DDX10: variants seen among roughly 807,000 people sequenced by gnomAD.
DDX10 encodes probable ATP-dependent RNA helicase DDX10.
A neutral mutation model predicts 104.3 loss-of-function variants in DDX10; 74 were observed. The observed-to-expected ratio is 0.71, with a 90% confidence interval of 0.59 to 0.86. DDX10 has a LOEUF of 0.86. Among genes scored for constraint, DDX10 ranks in the 40% least tolerant of loss-of-function variants. The probability of loss-of-function intolerance (pLI) is 0.00; values close to 1 mark genes in which losing one functional copy is unlikely to be tolerated. For synonymous variants in DDX10, 351 were observed against 353.4 expected (o/e 0.99, Z 0.08); for missense variants, 952 against 1,040.0 (o/e 0.92, Z 1.16).
Position 108,807,998 on chromosome 11 carries a change from G to A in DDX10, c.1966-30448G>A, listed in dbSNP as rs182619129. ...AGGCACAGTGCGAAGCTGTAGATACGTCAGGTAACACAGTTTCACTCACAA... is the reference window on the plus strand; with the variant it reads ...AGGCACAGTGCGAAGCTGTAGATACATCAGGTAACACAGTTTCACTCACAA... On this transcript the variant is annotated intron_variant, in intron 13 of 17. Transcript: ENST00000322536. 6.1e-3 allele frequency among the ~76,000 whole-genome samples: 931 copies of A among 152,242 alleles called. 28 individuals carry two copies. Among genetic ancestry groups the A allele is most frequent in the Admixed American group, 0.052 (794 of 15,284 alleles).
intron 13 of DDX10, among the ~76,000 whole-genome samples, chr11:108,795,656 A>G (rs1175016157): frequency 1.3e-5 from 2 of 151,868 alleles, no homozygotes; most frequent in African/African-American, 4.8e-5. Flanking sequence ...CCATGTCCCT[A>G]CAAAGGACAT....
intron 13 of DDX10, among the ~76,000 whole-genome samples, chr11:108,730,438 TTA>T (rs2094310637): frequency 6.6e-6 from 1 of 152,210 alleles, no homozygotes; most frequent in Non-Finnish European, 1.5e-5. Context: ...AAATATTGTC[TTA>T]CTGATCAGTG....
chr11:108,726,210 A>G (rs566551661), intron 13 of DDX10, among the ~76,000 whole-genome samples: 1 of 152,106 alleles, frequency 6.6e-6, no homozygotes, highest in East Asian at 1.9e-4. Flanking sequence ...TGCTTTGGTT[A>G]TTTTTGGACC....
chr11:108,898,243 G>A (rs976748865), intron 16 of DDX10, among the ~76,000 whole-genome samples: 1 of 151,932 alleles, frequency 6.6e-6, no homozygotes, highest in African/African-American at 2.4e-5. Context: ...CTTTTTGTCT[G>A]GACTAACCAG....
At chr11:108,854,731 T>TA (rs1371033004) in intron 16 of DDX10, among the ~76,000 whole-genome samples, 2 of 151,618 alleles carry the variant, frequency 1.3e-5, no homozygotes, top group Admixed American at 1.3e-4. Flanking sequence ...ACACAGTATT[T>TA]TTTTTTTAAT....
At chr11:108,780,222 G>A (rs1486297895) in intron 13 of DDX10, among the ~76,000 whole-genome samples, 1 of 152,112 alleles carries the variant, frequency 6.6e-6, no homozygotes, top group Non-Finnish European at 1.5e-5. Flanking sequence ...TAGATCTTCT[G>A]AATAACTAAT....
chr11:108,856,786 G>A (rs1039676431), intron 16 of DDX10, among the ~76,000 whole-genome samples: 1 of 152,006 alleles, frequency 6.6e-6, no homozygotes, highest in East Asian at 1.9e-4. Flanking sequence ...GAGCGAGTGT[G>A]GCAGCCACTG....
chr11:108,666,315 T>C (rs927685117), intron 1 of DDX10, among the ~76,000 whole-genome samples: 3 of 152,024 alleles, frequency 2.0e-5, no homozygotes, highest in Non-Finnish European at 4.4e-5. Flanking sequence ...CCGCCTCTAC[T>C]AAAAATACAA....
At chr11:108,856,691 A>T (rs1047617104) in intron 16 of DDX10, among the ~76,000 whole-genome samples, 1 of 152,150 alleles carries the variant, frequency 6.6e-6, no homozygotes, top group Non-Finnish European at 1.5e-5. Context: ...ATAATTTTTT[A>T]AAAAGTCTTA....
In DDX10 at chr11:108,883,925, C is replaced by A. The variant is rs1170673367; in HGVS notation, c.2304+31716C>A. Among the ~76,000 whole-genome samples the A allele has an allele frequency of 2.0e-5, 3 of 152,198 alleles. No homozygotes were observed. The East Asian group carries it at 5.8e-4, about 29-fold the overall frequency. On this transcript the variant is annotated intron_variant, in intron 16 of 17. Coordinates refer to ENST00000322536, the MANE Select transcript of DDX10 (RefSeq NM_004398.4). ...CTTTTTCCATCTTCTTTCCTAACTT[C>A]TCTTCTACTTCCAGACTTGAAGTTG... is the stretch of plus-strand genomic sequence containing the variant.
intron 13 of DDX10, among the ~76,000 whole-genome samples, chr11:108,786,740 TA>T (rs2134544398): frequency 6.6e-6 from 1 of 152,342 alleles, no homozygotes; most frequent in East Asian, 1.9e-4. Flanking sequence ...TTTGTGTCAT[TA>T]CATGTGAGAT....
chr11:108,691,528 T>A (rs1488296281), intron 7 of DDX10, among the ~76,000 whole-genome samples: 1 of 152,210 alleles, frequency 6.6e-6, no homozygotes, highest in Non-Finnish European at 1.5e-5. Context: ...CTAATTATTT[T>A]AATAATTGCT....
At chr11:108,720,580 T>C (rs933489653) in intron 12 of DDX10, among the ~76,000 whole-genome samples, 1 of 152,086 alleles carries the variant, frequency 6.6e-6, no homozygotes, top group Non-Finnish European at 1.5e-5. Flanking sequence ...TGTTTTGGCT[T>C]AGTATTTGAG....
At chr11:108,779,238 G>A (rs531744235) in intron 13 of DDX10, among the ~76,000 whole-genome samples, 6 of 152,240 alleles carry the variant, frequency 3.9e-5, no homozygotes, top group African/African-American at 9.6e-5. Flanking sequence ...ACATGCACAC[G>A]TATGTTTATT....
At chr11:108,789,731 C>T (rs141855959) in intron 13 of DDX10, among the ~76,000 whole-genome samples, 105 of 152,216 alleles carry the variant, frequency 6.9e-4, no homozygotes, top group African/African-American at 2.1e-3. Context: ...ACAGAAAACA[C>T]GACCATAGGT....
Position 108,693,505 on chromosome 11 carries a change from C to T in DDX10, c.1139-11C>T, listed in dbSNP as rs761774918. 4 of 1,610,162 alleles carry T rather than the reference C, an allele frequency of 2.5e-6. No homozygotes were observed. Among genetic ancestry groups the T allele is most frequent in the Admixed American group, 3.3e-5 (2 of 60,010 alleles). On this transcript the variant is annotated splice_polypyrimidine_tract_variant and intron_variant, in intron 8 of 17. Transcript: ENST00000322536. The stretch of plus-strand genomic sequence containing the variant: ...CAACCAGTTTCTTAACTTCACATCC[C>T]TTCTCTGTAGATTTCCCGGCCGTGA...
At chr11:108,826,788 C>G (rs1308088539) in intron 13 of DDX10, among the ~76,000 whole-genome samples, 3 of 152,134 alleles carry the variant, frequency 2.0e-5, no homozygotes, top group African/African-American at 7.2e-5. Flanking sequence ...GGCCCTTGAT[C>G]CAGAACACTG....
At chr11:108,830,551 C>T (rs1261615103) in intron 13 of DDX10, among the ~76,000 whole-genome samples, 2 of 152,096 alleles carry the variant, frequency 1.3e-5, no homozygotes, top group Non-Finnish European at 2.9e-5. Context: ...TTTCTCTTGT[C>T]TCATTGCTCT....
intron 13 of DDX10, among the ~76,000 whole-genome samples, chr11:108,749,050 GTCTC>G (rs974317871): frequency 2.0e-4 from 30 of 148,620 alleles, no homozygotes; most frequent in African/African-American, 4.5e-4. Context: ...AGACAACCAT[GTCTC>G]TCTCTCTCTC....
Sources: allele counts gnomAD v4.1 joint callset (sites outside exome capture counted in the v4.1 genomes callset), GRCh38; gene constraint gnomAD v4.1.1; transcripts MANE v1.5; gene names NCBI Gene and HGNC (gene_info 2026-07-23, HGNC 2026-07-21).